EPB41: variants seen among roughly 807,000 people sequenced by gnomAD.
EPB41 encodes the protein erythrocyte membrane protein band 4.1.
In EPB41, 65 loss-of-function variants were observed where a neutral mutation model predicts 108.0. That is an observed-to-expected ratio of 0.60 (90% CI 0.49 to 0.74). The LOEUF (loss-of-function observed/expected upper bound fraction) is 0.74. EPB41 is among the 30% of genes least tolerant of loss of function. EPB41 has a pLI of 0.00. For synonymous variants in EPB41, 336 were observed against 358.9 expected, an observed-to-expected ratio of 0.94 and a Z score of 0.72; for missense variants, 875 against 1,037.0, an observed-to-expected ratio of 0.84 and a Z score of 2.15.
intron 7 of EPB41, among the ~76,000 whole-genome samples, chr1:29,020,661 A>AT (rs565131140): frequency 2.0e-4 from 30 of 147,572 alleles, no homozygotes; most frequent in Admixed American, 2.7e-4. Context: ...TCTGTCTCTG[A>AT]TTTTTTTTTT....
intron 16 of EPB41, among the ~76,000 whole-genome samples, chr1:29,067,983 A>G (rs957218418): frequency 4.6e-5 from 7 of 152,178 alleles, no homozygotes; most frequent in African/African-American, 1.7e-4. Context: ...TCAGTAGGAT[A>G]CTTAATTTTG....
intron 1 of EPB41, among the ~76,000 whole-genome samples, chr1:28,980,552 AT>A (rs949111053): frequency 8.9e-4 from 130 of 146,184 alleles, no homozygotes; most frequent in African/African-American, 2.0e-3. Context: ...TTTAAAAAAA[AT>A]TTTTTTTTTT....
intron 1 of EPB41, among the ~76,000 whole-genome samples, chr1:28,958,497 A>G (rs1385431460): frequency 6.6e-6 from 1 of 151,474 alleles, no homozygotes; most frequent in East Asian, 1.9e-4. Context: ...GCATTTAGAT[A>G]GTGGAATACC....
At chr1:29,014,330 TAAAA>T (rs1207591618) in intron 5 of EPB41, among the ~76,000 whole-genome samples, 3 of 151,948 alleles carry the variant, frequency 2.0e-5, no homozygotes, top group Non-Finnish European at 4.4e-5. Context: ...AAAAATAAAA[TAAAA>T]TAAATAAATA....
At position 29,011,897 on chromosome 1, in the gene EPB41, G is replaced by A. The variant is rs774475679; in HGVS notation, c.819G>A (p.Lys273=). 2 of 1,614,074 alleles carry A rather than the reference G, an allele frequency of 1.2e-6. No individual in the cohort carries two copies. The highest frequency in any genetic ancestry group is 8.5e-7 in the Non-Finnish European group (1 of 1,179,960). Residue 273 remains lysine, a synonymous_variant, in exon 5 of 21, where the codon AAG becomes AAA. Transcript: ENST00000343067. ...TGGATTCCGCCAAAGAAATAAAAAA[G>A]CAGGTTCGTGGTAAGTGGATATAGC... is the stretch of plus-strand genomic sequence containing the variant. ...TWLDSAKEIK[K]QVRGVPWNFT...
At chr1:28,927,253 T>C (rs888375500) in intron 1 of EPB41, among the ~76,000 whole-genome samples, 1 of 152,246 alleles carries the variant, frequency 6.6e-6, no homozygotes, top group African/African-American at 2.4e-5. Context: ...AATGAATTCG[T>C]GAATTTACAT....
intron 1 of EPB41, among the ~76,000 whole-genome samples, chr1:28,907,050 C>A (rs984157804): frequency 6.6e-6 from 1 of 151,092 alleles, no homozygotes; most frequent in Non-Finnish European, 1.5e-5. Context: ...GGATTACAGG[C>A]GTGAGCCACC....
chr1:29,105,417 T>C (rs898879115), intron 17 of EPB41, among the ~76,000 whole-genome samples: 1 of 152,134 alleles, frequency 6.6e-6, no homozygotes, highest in Non-Finnish European at 1.5e-5. Flanking sequence ...TTTGTATTTT[T>C]AGTAGAGACG....
rs3180195 is a variant in EPB41, at chr1:29,120,039, G to T, written c.*3227G>T. On this transcript the variant is annotated 3_prime_UTR_variant, in exon 21 of 21. Coordinates refer to ENST00000343067, the MANE Select transcript of EPB41 (RefSeq NM_001376013.1). ...TTTTTTCAATAAACAACAACAAAAA[G>T]AACTCTCTCTGTGAGGATTGATCCA... 6.6e-6 allele frequency: 1 copy of T among 152,534 alleles called. No homozygotes were observed. Among genetic ancestry groups the T allele is most frequent in the Non-Finnish European group, 1.5e-5 (1 of 68,004 alleles). 9.4% of individuals were successfully genotyped at this position (152,534 alleles called of 1,614,324 possible). A position where few individuals can be genotyped will look rare whatever the true frequency, so the allele number is the denominator to read the frequency against.
intron 1 of EPB41, among the ~76,000 whole-genome samples, chr1:28,901,284 GCA>G (rs2091289441): frequency 2.1e-5 from 3 of 145,692 alleles, no homozygotes; most frequent in Admixed American, 7.2e-5. Flanking sequence ...GAGTGCAGTG[GCA>G]TGATCTCGGC....
chr1:28,960,604 G>A (rs1057203203), intron 1 of EPB41, among the ~76,000 whole-genome samples: 7 of 150,680 alleles, frequency 4.6e-5, no homozygotes, highest in African/African-American at 1.7e-4. Context: ...AATCAGCTTA[G>A]TGTGGTGATT....
At chr1:29,082,833 G>A (rs1558265955) in intron 16 of EPB41, among the ~76,000 whole-genome samples, 1 of 152,282 alleles carries the variant, frequency 6.6e-6, no homozygotes, top group Non-Finnish European at 1.5e-5. Context: ...TTTTGAAGCT[G>A]TTTGCTTTTA....
chr1:28,915,065 C>G (rs1009828788), intron 1 of EPB41, among the ~76,000 whole-genome samples: 4 of 58,886 alleles, frequency 6.8e-5, no homozygotes, highest in Non-Finnish European at 1.4e-4. Context: ...ACGGTCCCCT[C>G]GGGTGCGTCA....
chr1:29,021,665 C>T (rs922280471), intron 7 of EPB41, among the ~76,000 whole-genome samples: 1 of 151,490 alleles, frequency 6.6e-6, no homozygotes, highest in African/African-American at 2.4e-5. Context: ...TCACTGCAAG[C>T]TCCGTCTCCC....
chr1:28,897,171 C>T (rs1225181144), intron 1 of EPB41, among the ~76,000 whole-genome samples: 1 of 152,062 alleles, frequency 6.6e-6, no homozygotes, highest in Non-Finnish European at 1.5e-5. Context: ...GATGAGACCT[C>T]TTTGGGGTGG....
intron 4 of EPB41, among the ~76,000 whole-genome samples, chr1:29,001,288 C>A (rs2096288625): frequency 6.6e-6 from 1 of 152,130 alleles, no homozygotes; most frequent in African/African-American, 2.4e-5. Context: ...CGAGGTCACG[C>A]CATTGCACTC....
intron 1 of EPB41, among the ~76,000 whole-genome samples, chr1:28,904,354 T>C (rs1342176124): frequency 6.6e-6 from 1 of 151,970 alleles, no homozygotes; most frequent in Non-Finnish European, 1.5e-5. Flanking sequence ...TACCTTGAGG[T>C]TGAGGATTCT....
intron 1 of EPB41, among the ~76,000 whole-genome samples, chr1:28,928,522 A>G (rs1421215090): frequency 6.6e-6 from 1 of 152,204 alleles, no homozygotes; most frequent in Non-Finnish European, 1.5e-5. Flanking sequence ...TTTACCATTT[A>G]CCACAGATCA....
intron 7 of EPB41, among the ~76,000 whole-genome samples, chr1:29,021,167 G>A (rs993258691): frequency 6.6e-6 from 1 of 152,148 alleles, no homozygotes; most frequent in Admixed American, 6.5e-5. Flanking sequence ...TTAGGACAAC[G>A]GTTCTCAAAG....
Sources: gnomAD v4.1 joint callset for allele counts (sites outside exome capture counted in the v4.1 genomes callset) on GRCh38, gnomAD v4.1.1 for gene constraint, MANE v1.5 for transcripts, NCBI Gene and HGNC (gene_info 2026-07-23, HGNC 2026-07-21) for gene names.